The following CYP4V2 variants were observed in gnomAD, a reference collection of about 807,000 sequenced individuals.
CYP4V2 encodes the protein cytochrome P450 4V2.
Under a neutral mutation model 60.8 loss-of-function variants are expected in CYP4V2, and 55 were observed. The observed-to-expected ratio is 0.90, with a 90% CI of 0.73 to 1.13. The LOEUF is 1.13. Ranked by LOEUF, CYP4V2 falls within the 50% of genes most tolerant of loss-of-function variation. The pLI is 0.00. For synonymous variants in CYP4V2, 239 were observed against 236.8 expected, an observed-to-expected ratio of 1.01 and a Z score of -0.08; for missense variants, 675 against 662.9, an observed-to-expected ratio of 1.02 and a Z score of -0.20.
intron 7 of CYP4V2, chr4:186,203,716 C>T (rs548636076): frequency 6.6e-6 from 1 of 152,346 alleles, no homozygotes; most frequent in Admixed American, 6.5e-5. Flanking sequence ...CTGAGCACAA[C>T]GGGCCGGAGC....
Position 186,201,263 on chromosome 4 carries a change from T to G in CYP4V2, c.908T>G (p.Leu303Arg). 6.2e-6 allele frequency: 10 copies of G among 1,614,158 alleles called. No individual in the cohort carries two copies. Among genetic ancestry groups the G allele is most frequent in the Non-Finnish European group, 8.5e-6 (10 of 1,180,014 alleles). The change falls in exon 7 of 11, where the codon CTT (leucine) becomes CGT (arginine). Residue 303 changes from leucine to arginine, a missense_variant. Coordinates refer to ENST00000378802, the MANE Select transcript of CYP4V2 (RefSeq NM_207352.4). Reference sequence around the variant, plus strand: ...AAACGCAGGGCCTTTCTTGACTTGCTTTTAAGTGTGACTGATGACGAAGGG... The same window carrying G: ...AAACGCAGGGCCTTTCTTGACTTGCGTTTAAGTGTGACTGATGACGAAGGG... ...KNKRRAFLDL[L>R]LSVTDDEGNR... is the part of the protein sequence containing the mutation.
chr4:186,210,446 A>G, intron 10 of CYP4V2, 23 bp from the exon 11 acceptor site: 1 of 1,614,074 alleles, frequency 6.2e-7, no homozygotes, highest in Non-Finnish European at 8.5e-7. Flanking sequence ...AACTAAAGCG[A>G]TGGTATCTAC....
At position 186,191,804 on chromosome 4, in the gene CYP4V2, C is replaced by G; in HGVS notation, c.-20C>G. 6.6e-7 allele frequency: 1 copy of G among 1,524,324 alleles called. No individual in the cohort carries two copies. Among genetic ancestry groups the G allele is most frequent in the South Asian group, 1.2e-5 (1 of 81,216 alleles). 94.4% of individuals were successfully genotyped at this position (1,524,324 alleles called of 1,614,324 possible). ...GCCCGCACTTTCCCGGAGTGCACCC[C>G]GCGGCCGCCAGCCGGGGCGATGGCG... On this transcript the variant is annotated 5_prime_UTR_variant, in exon 1 of 11. Coordinates refer to ENST00000378802, the MANE Select transcript of CYP4V2 (RefSeq NM_207352.4).
rs1312274451 is a variant in CYP4V2, at chr4:186,211,094, C to T, written c.*453C>T. 1 of 169,958 alleles carries T rather than the reference C, an allele frequency of 5.9e-6. No individual in the cohort carries two copies. Among genetic ancestry groups the T allele is most frequent in the Non-Finnish European group, 1.3e-5 (1 of 79,678 alleles). The allele number at this position is 169,958 out of a possible 1,614,324, so 10.5% of individuals were successfully genotyped here. On this transcript the variant is annotated 3_prime_UTR_variant, in exon 11 of 11. Coordinates refer to ENST00000378802, the MANE Select transcript of CYP4V2 (RefSeq NM_207352.4). ...CCTCAAGTGATCCACCTGCCTCAGCCTCCCAAAGTGCTGGGATTATAGTCG... is the reference window on the plus strand; with the variant it reads ...CCTCAAGTGATCCACCTGCCTCAGCTTCCCAAAGTGCTGGGATTATAGTCG...
chr4:186,198,138 G>A (rs906417543), intron 5 of CYP4V2, among the ~76,000 whole-genome samples: 1 of 152,172 alleles, frequency 6.6e-6, no homozygotes, highest in Non-Finnish European at 1.5e-5. Flanking sequence ...GCAGGGCAAG[G>A]ACTTGATGAA....
rs1485748870 is a variant in CYP4V2 at position 186,195,257 on chromosome 4, C to G, written c.327+645C>G. On this transcript the variant is annotated intron_variant, in intron 2 of 10. Transcript: ENST00000378802. The surrounding 1 kb of genome is among the most constrained non-coding windows in gnomAD (Gnocchi z 4.1). ...GGAAGTAGTGCCAGGACATGTCTTT[C>G]TAATTATGGTGAAAATGTTGGAGTT... 6.6e-6 allele frequency among the ~76,000 whole-genome samples: 1 copy of G among 152,178 alleles called. No homozygotes were observed. The highest frequency in any genetic ancestry group is 2.4e-5 in the African/African-American group (1 of 41,466).
At chr4:186,197,272 C>T in intron 4 of CYP4V2, 142 bp downstream of exon 4, 1 of 1,073,338 alleles carries the variant, frequency 9.3e-7, no homozygotes, top group Non-Finnish European at 1.4e-6. Context: ...CCGCACTGGC[C>T]TTCTGAGGAG....
intron 4 of CYP4V2, 38 bp from the exon 5 acceptor site, chr4:186,197,495 C>T (rs367800547): frequency 1.2e-5 from 19 of 1,596,390 alleles, no homozygotes; most frequent in East Asian, 6.7e-5. Context: ...AACTAACGTG[C>T]GTGAATTGAA....
At position 186,194,978 on chromosome 4, in the gene CYP4V2, G is replaced by T. The variant is rs72646247; in HGVS notation, c.327+366G>T. On this transcript the variant is annotated intron_variant, in intron 2 of 10. Coordinates refer to ENST00000378802, the MANE Select transcript of CYP4V2 (RefSeq NM_207352.4). The stretch of plus-strand genomic sequence containing the variant: ...GACTAATAAAATATGTTTCCCTCAA[G>T]TTGCTCAGGGTCTCATATCAATGAT... 5.7e-3 allele frequency among the ~76,000 whole-genome samples: 866 copies of T among 152,232 alleles called. 13 individuals are homozygous for T. Among genetic ancestry groups the T allele is most frequent in the Middle Eastern group, 0.02 (6 of 294 alleles).
intron 7 of CYP4V2, chr4:186,202,684 CAACA>C (rs1458331492): frequency 1.3e-5 from 2 of 150,856 alleles, no homozygotes; most frequent in Admixed American, 6.6e-5. Context: ...ATGTATATAC[CAACA>C]TACACACATT....
chr4:186,199,782 TTAA>T (rs35380636), intron 6 of CYP4V2, among the ~76,000 whole-genome samples: 34,290 of 152,098 alleles, frequency 0.23, 4,149 homozygotes, highest in South Asian at 0.45. Context: ...AATCTTTGTG[TTAA>T]TAATGTGTTT....
intron 2 of CYP4V2, 58 bp downstream of exon 2, chr4:186,194,670 C>T (rs1037409917): frequency 2.1e-6 from 3 of 1,457,948 alleles, no homozygotes; most frequent in African/African-American, 2.8e-5. Flanking sequence ...GTGAGAATCT[C>T]ACCAGAATCA....
At chr4:186,192,743 T>A (rs1227416846) in intron 1 of CYP4V2, among the ~76,000 whole-genome samples, 1 of 152,156 alleles carries the variant, frequency 6.6e-6, no homozygotes, top group Admixed American at 6.5e-5. Flanking sequence ...TATTTACAAC[T>A]CCCTGTCAGG....
intron 7 of CYP4V2, chr4:186,203,121 G>C (rs1447845942): frequency 6.6e-6 from 1 of 151,328 alleles, no homozygotes; most frequent in Non-Finnish European, 1.5e-5. Context: ...TAAGCACAAA[G>C]GCACACACAA....
intron 1 of CYP4V2, chr4:186,192,306 TG>T (rs1394175049): frequency 1.5e-6 from 1 of 677,184 alleles, no homozygotes; most frequent in South Asian, 1.5e-5. Flanking sequence ...ACCTCACCGC[TG>T]CTCAGCTCTC....
Position 186,207,009 on chromosome 4 carries a change from A to G in CYP4V2, c.1090+1707A>G, listed in dbSNP as rs916529184. Among the ~76,000 whole-genome samples, 6 of 152,162 alleles carry G rather than the reference A, an allele frequency of 3.9e-5. No homozygotes were observed. In the East Asian group the frequency reaches 7.7e-4, roughly 20 times the overall value. ...TCACAAAGCTTTGTGGTCCTGCAGA[A>G]TGAGTGACACAGTCATCATTACTAG... On this transcript the variant is annotated intron_variant, in intron 8 of 10. Transcript: ENST00000378802.
At chr4:186,205,146 C>G in intron 7 of CYP4V2, 54 bp from the exon 8 acceptor site, 4 of 1,552,322 alleles carry the variant, frequency 2.6e-6, no homozygotes, top group Non-Finnish European at 3.6e-6. Context: ...CTGGTCACTC[C>G]TAATCATCGC....
intron 1 of CYP4V2, among the ~76,000 whole-genome samples, chr4:186,193,365 A>G (rs1415484122): frequency 1.3e-5 from 2 of 152,204 alleles, no homozygotes; most frequent in African/African-American, 4.8e-5. Flanking sequence ...TGACTGGACT[A>G]TTTAAAGTAA....
At chr4:186,194,255 C>T (rs1010487486) in intron 1 of CYP4V2, among the ~76,000 whole-genome samples, 1 of 152,160 alleles carries the variant, frequency 6.6e-6, no homozygotes. Flanking sequence ...TTATTATTCT[C>T]TAATAGCTAA....
Sources: gnomAD v4.1 joint callset for allele counts (sites outside exome capture counted in the v4.1 genomes callset) on GRCh38, gnomAD v4.1.1 for gene constraint, Gnocchi (gnomAD v3.1) non-coding constraint, MANE v1.5 for transcripts, NCBI Gene and HGNC (gene_info 2026-07-23, HGNC 2026-07-21) for gene names.